Variants in IL1RAPL1 observed in about 807,000 individuals in gnomAD.
IL1RAPL1 encodes the protein interleukin-1 receptor accessory protein-like 1.
Under a neutral mutation model 48.4 loss-of-function variants are expected in IL1RAPL1, and 3 were observed. That is an observed-to-expected ratio of 0.06 (90% CI 0.03 to 0.16). The LOEUF (loss-of-function observed/expected upper bound fraction) is 0.16, where lower values mean the gene tolerates loss of function less well. Ranked by LOEUF, IL1RAPL1 falls within the 10% of genes least tolerant of loss-of-function variation. The probability of loss-of-function intolerance (pLI) is 1.00; values close to 1 mark genes in which losing one functional copy is unlikely to be tolerated. For missense variants in IL1RAPL1, 349 were observed against 530.6 expected, an observed-to-expected ratio of 0.66 and a Z score of 3.36; for synonymous variants, 185 against 187.7, an observed-to-expected ratio of 0.99 and a Z score of 0.12.
chrX:28,615,879 C>T (rs751964913), intron 1 of IL1RAPL1, among the ~76,000 whole-genome samples: 4 of 111,727 alleles, frequency 3.6e-5, no homozygotes, highest in South Asian at 7.5e-4. Context: ...GAGACCCAAG[C>T]GAGGCCCCTT....
intron 5 of IL1RAPL1, among the ~76,000 whole-genome samples, chrX:29,555,202 A>G (rs1921952549): frequency 8.9e-6 from 1 of 112,700 alleles, no homozygotes; most frequent in African/African-American, 3.2e-5. Flanking sequence ...AGTCATTATA[A>G]CCATATGCCT....
chrX:29,837,272 A>AAAAAAAATAT (rs1447926305), intron 6 of IL1RAPL1, among the ~76,000 whole-genome samples: 2 of 72,146 alleles, frequency 2.8e-5, no homozygotes, highest in African/African-American at 1.2e-4. Flanking sequence ...AAAAAAAAAA[A>AAAAAAAATAT]ATATATATAT....
At chrX:28,981,090 CAAAAAAAAAAAAAAAAAAAAAAAAAAA>C (rs57824632) in intron 2 of IL1RAPL1, among the ~76,000 whole-genome samples, 1 of 24,323 alleles carries the variant, frequency 4.1e-5, no homozygotes, top group Non-Finnish European at 6.4e-5. Flanking sequence ...GACCCTGTCT[CAAAAAAAAAAAAAAAAAAAAAAAAAAA>C]AAAAAAAAAA....
chrX:29,903,915 T>C (rs1932553549), intron 6 of IL1RAPL1, among the ~76,000 whole-genome samples: 1 of 112,188 alleles, frequency 8.9e-6, no homozygotes, highest in Non-Finnish European at 1.9e-5. Flanking sequence ...AAGAATACCA[T>C]TGTCTTCAGG....
chrX:28,761,433 C>T (rs1239442637), intron 1 of IL1RAPL1, among the ~76,000 whole-genome samples: 3 of 112,107 alleles, frequency 2.7e-5, no homozygotes, highest in Non-Finnish European at 3.8e-5. Context: ...GAAATCATTT[C>T]TTTACAGCAG....
At position 28,653,772 on chromosome X, in the gene IL1RAPL1, A is replaced by C. The variant is rs1213748355; in HGVS notation, c.-25+65725A>C. Among the ~76,000 whole-genome samples, 3 of 111,510 alleles carry C rather than the reference A, an allele frequency of 2.7e-5. No individual in the cohort carries two copies. The Admixed American group carries it at 2.9e-4, about 11-fold the overall frequency. On this transcript the variant is annotated intron_variant, in intron 1 of 10. Transcript: ENST00000378993. ...AAGGAAAGACCTGCCTTTTAGTGTC[A>C]TGAGGGCTCTCAGGAATGGCATCTT... is the stretch of plus-strand genomic sequence containing the variant.
At chrX:29,412,283 A>G (rs1176204320) in intron 5 of IL1RAPL1, among the ~76,000 whole-genome samples, 1 of 100,500 alleles carries the variant, frequency 1.0e-5, no homozygotes, top group Non-Finnish European at 2.1e-5. Flanking sequence ...AAAAAGAAAA[A>G]AAAAATTCTT....
chrX:29,816,180 A>T (rs776734699), intron 6 of IL1RAPL1, among the ~76,000 whole-genome samples: 16 of 111,464 alleles, frequency 1.4e-4, no homozygotes, highest in Non-Finnish European at 2.6e-4. Flanking sequence ...TACTAGTTAG[A>T]TCAACAAAGA....
intron 5 of IL1RAPL1, among the ~76,000 whole-genome samples, chrX:29,449,630 G>A (rs1430417660): frequency 2.7e-5 from 3 of 109,095 alleles, no homozygotes; most frequent in Non-Finnish European, 5.7e-5. Context: ...TGAGTAAAGT[G>A]CATCTTTTTT....
intron 3 of IL1RAPL1, among the ~76,000 whole-genome samples, chrX:29,348,862 T>G (rs1321423062): frequency 1.8e-5 from 2 of 111,595 alleles, no homozygotes; most frequent in Non-Finnish European, 3.8e-5. Context: ...GCTCATTTTG[T>G]CCTATGGACT....
chrX:29,898,821 TAAATAAA>T (rs1932440895), intron 6 of IL1RAPL1, among the ~76,000 whole-genome samples: 1 of 111,890 alleles, frequency 8.9e-6, no homozygotes, highest in Non-Finnish European at 1.9e-5. Context: ...TATTAAAAAA[TAAATAAA>T]ATATCACTGC....
intron 2 of IL1RAPL1, among the ~76,000 whole-genome samples, chrX:29,184,579 C>T (rs1036906844): frequency 9.0e-6 from 1 of 111,317 alleles, no homozygotes; most frequent in Non-Finnish European, 1.9e-5. Flanking sequence ...GGGCTCACTG[C>T]AACCTCTGCC....
chrX:28,750,315 A>T (rs1936027233), intron 1 of IL1RAPL1, among the ~76,000 whole-genome samples: 1 of 111,747 alleles, frequency 8.9e-6, no homozygotes, highest in East Asian at 2.8e-4. Context: ...CAATGCCTTT[A>T]CTTAAAAGTG....
intron 8 of IL1RAPL1, among the ~76,000 whole-genome samples, chrX:29,926,449 G>A (rs771236666): frequency 8.9e-6 from 1 of 111,773 alleles, no homozygotes; most frequent in Non-Finnish European, 1.9e-5. Flanking sequence ...TATAGTCACT[G>A]GAAGTCCTTT....
intron 6 of IL1RAPL1, among the ~76,000 whole-genome samples, chrX:29,912,152 C>T (rs781445252): frequency 4.5e-5 from 5 of 111,580 alleles, no homozygotes; most frequent in Admixed American, 9.6e-5. Context: ...AATGTGGTAA[C>T]TGACTTTTGC....
At chrX:29,949,681 T>G (rs1373948154) in intron 9 of IL1RAPL1, among the ~76,000 whole-genome samples, 1 of 112,108 alleles carries the variant, frequency 8.9e-6, no homozygotes, top group Admixed American at 9.4e-5. Context: ...CCTAGCCCTA[T>G]CCTTTAAAAA....
chrX:29,367,233 G>T (rs934704417), intron 3 of IL1RAPL1, among the ~76,000 whole-genome samples: 4 of 111,983 alleles, frequency 3.6e-5, no homozygotes, highest in African/African-American at 1.3e-4. Flanking sequence ...TATAAGCCAT[G>T]AAACTTTTAC....
intron 2 of IL1RAPL1, among the ~76,000 whole-genome samples, chrX:29,133,866 T>A (rs1929072929): frequency 9.0e-6 from 1 of 111,630 alleles, no homozygotes; most frequent in African/African-American, 3.3e-5. Context: ...CCCCTAACCC[T>A]TGGCAACCAG....
At chrX:29,365,678 C>T (rs1220453628) in intron 3 of IL1RAPL1, among the ~76,000 whole-genome samples, 1 of 107,388 alleles carries the variant, frequency 9.3e-6, no homozygotes, top group Non-Finnish European at 1.9e-5. Context: ...AAGTGAGACC[C>T]TGTCTCAAAA....
Sources: allele counts gnomAD v4.1 joint callset (sites outside exome capture counted in the v4.1 genomes callset), GRCh38; gene constraint gnomAD v4.1.1; transcripts MANE v1.5; gene names NCBI Gene and HGNC (gene_info 2026-07-23, HGNC 2026-07-21).